ANO3: variants seen among roughly 807,000 people sequenced by gnomAD.
The protein encoded by ANO3 is anoctamin-3.
Under a neutral mutation model 144.8 loss-of-function variants are expected in ANO3, and 99 were observed. The ratio of observed to expected loss-of-function variants is 0.68; its 90% CI spans 0.58 to 0.81. The LOEUF (loss-of-function observed/expected upper bound fraction) is 0.81. Ranked by LOEUF, ANO3 falls within the 30% of genes least tolerant of loss-of-function variation. The pLI, the probability that ANO3 is intolerant of heterozygous loss-of-function variation, is 0.00. For synonymous variants in ANO3, 414 were observed against 392.6 expected (o/e 1.05, Z -0.64); for missense variants, 905 against 1,202.2 (o/e 0.75, Z 3.66).
At chr11:26,616,024 T>G (rs1056683605) in intron 17 of ANO3, among the ~76,000 whole-genome samples, 2 of 152,206 alleles carry the variant, frequency 1.3e-5, no homozygotes, top group African/African-American at 4.8e-5. Flanking sequence ...TAAAAAATAT[T>G]TAATTAGTTC....
intron 4 of ANO3, among the ~76,000 whole-genome samples, chr11:26,479,522 GT>G (rs1162320460): frequency 6.6e-6 from 1 of 152,096 alleles, no homozygotes; most frequent in Non-Finnish European, 1.5e-5. Context: ...CAGGCAGAGA[GT>G]TTGGGCAGGG....
chr11:26,534,036 A>T (rs1849441163), intron 8 of ANO3, among the ~76,000 whole-genome samples: 2 of 152,196 alleles, frequency 1.3e-5, no homozygotes, highest in Admixed American at 1.3e-4. Flanking sequence ...TGGGGACAAT[A>T]ATAGAGCATC....
intron 1 of ANO3, among the ~76,000 whole-genome samples, chr11:26,250,528 T>A (rs1852903630): frequency 6.6e-6 from 1 of 152,154 alleles, no homozygotes; most frequent in Non-Finnish European, 1.5e-5. Flanking sequence ...GTGAGCCGAT[T>A]TTATGCCAAA....
At chr11:26,581,723 A>G (rs966948426) in intron 14 of ANO3, among the ~76,000 whole-genome samples, 7 of 151,776 alleles carry the variant, frequency 4.6e-5, no homozygotes, top group Non-Finnish European at 1.0e-4. Flanking sequence ...GAGAAAAGAA[A>G]CAAGATGCCA....
chr11:26,533,646 G>A (rs555571752), intron 8 of ANO3, among the ~76,000 whole-genome samples: 40 of 152,162 alleles, frequency 2.6e-4, no homozygotes, highest in Non-Finnish European at 5.3e-4. Flanking sequence ...AGGCAAGTTA[G>A]GAGGATGTTC....
At chr11:26,647,508 T>C (rs2133074258) in intron 23 of ANO3, among the ~76,000 whole-genome samples, 2 of 152,348 alleles carry the variant, frequency 1.3e-5, no homozygotes, top group Non-Finnish European at 2.9e-5. Context: ...TGAATCTTTC[T>C]AGACGAGATA....
intron 1 of ANO3, among the ~76,000 whole-genome samples, chr11:26,265,909 T>A (rs887106950): frequency 6.6e-6 from 1 of 152,158 alleles, no homozygotes; most frequent in African/African-American, 2.4e-5. Context: ...ATGAATAGAA[T>A]AAATAAAAAG....
At chr11:26,385,044 T>C (rs1340127751) in intron 1 of ANO3, among the ~76,000 whole-genome samples, 1 of 152,190 alleles carries the variant, frequency 6.6e-6, no homozygotes, top group African/African-American at 2.4e-5. Context: ...TCCTATCTGT[T>C]CTTCAAAATT....
chr11:26,592,941 A>T (rs1206368047), intron 14 of ANO3, among the ~76,000 whole-genome samples: 1 of 151,796 alleles, frequency 6.6e-6, no homozygotes, highest in East Asian at 1.9e-4. Flanking sequence ...CCCGGAGGGG[A>T]TTACTCCATA....
intron 1 of ANO3, among the ~76,000 whole-genome samples, chr11:26,301,164 T>TGCCCAGGCTGAAGTGCAGTGGTGC (rs1854224526): frequency 6.6e-6 from 1 of 150,574 alleles, no homozygotes; most frequent in African/African-American, 2.5e-5. Context: ...TTTACTTTCT[T>TGCCCAGGCTGAAGTGCAGTGGTGC]AATTGCCTCT....
intron 18 of ANO3, among the ~76,000 whole-genome samples, chr11:26,628,564 C>T (rs11029654): frequency 0.35 from 53,135 of 152,056 alleles, 9,847 homozygotes; most frequent in South Asian, 0.48. Context: ...TTGTGAATGG[C>T]ACGGTGTTGA....
intron 14 of ANO3, among the ~76,000 whole-genome samples, chr11:26,591,644 C>CT (rs1170968804): frequency 6.6e-6 from 1 of 152,082 alleles, no homozygotes; most frequent in African/African-American, 2.4e-5. Context: ...AGAGGAGCTA[C>CT]TGGTAGTACA....
intron 1 of ANO3, among the ~76,000 whole-genome samples, chr11:26,431,229 A>T (rs1565020530): frequency 6.6e-6 from 1 of 152,220 alleles, no homozygotes; most frequent in Non-Finnish European, 1.5e-5. Context: ...AAATGTCTAA[A>T]TTCTTTTTAT....
intron 4 of ANO3, among the ~76,000 whole-genome samples, chr11:26,485,701 A>G (rs1860418743): frequency 6.6e-6 from 1 of 152,136 alleles, no homozygotes; most frequent in Admixed American, 6.5e-5. Flanking sequence ...TTTTTAAATC[A>G]ACTCAAGATG....
chr11:26,441,798 T>C lies in ANO3; in HGVS notation c.47-120T>C, dbSNP rs892954745. On this transcript the variant is annotated intron_variant, in intron 1 of 26. Coordinates refer to ENST00000256737, the MANE Select transcript of ANO3 (RefSeq NM_031418.4). ...ACAAGACTAACTCAATTATTTCTAA[T>C]ATCTAAGTGGCACTTTTCAATAGTT... 2.4e-5 allele frequency: 16 copies of C among 674,838 alleles called. No individual in the cohort carries two copies. In the East Asian group the frequency reaches 3.9e-4, roughly 16 times the overall value. 41.8% of individuals were successfully genotyped at this position (674,838 alleles called of 1,614,324 possible). A position where few individuals can be genotyped will look rare whatever the true frequency, so the allele number is the denominator to read the frequency against.
At chr11:26,392,239 C>CT (rs33986969) in intron 1 of ANO3, among the ~76,000 whole-genome samples, 3,965 of 130,614 alleles carry the variant, frequency 0.03, 120 homozygotes, top group African/African-American at 0.063. Context: ...GAATTCCTGC[C>CT]TTTTTTTTTT....
intron 14 of ANO3, chr11:26,565,289 C>T (rs1460746863): frequency 6.2e-7 from 1 of 1,607,370 alleles, no homozygotes; most frequent in Non-Finnish European, 8.5e-7. Flanking sequence ...TTGTGGTAAG[C>T]CATCCACTTG....
intron 14 of ANO3, among the ~76,000 whole-genome samples, chr11:26,597,076 G>T (rs754488612): frequency 6.6e-6 from 1 of 152,070 alleles, no homozygotes; most frequent in Non-Finnish European, 1.5e-5. Context: ...TCTAAGGAAG[G>T]ATAGGACAGA....
At chr11:26,300,288 T>G (rs61377783) in intron 1 of ANO3, among the ~76,000 whole-genome samples, 9,437 of 151,990 alleles carry the variant, frequency 0.062, 558 homozygotes, top group African/African-American at 0.15. Context: ...CACCTTACTT[T>G]TAAAAGCAAG....
Sources: allele counts gnomAD v4.1 joint callset (sites outside exome capture counted in the v4.1 genomes callset), GRCh38; gene constraint gnomAD v4.1.1; transcripts MANE v1.5; gene names NCBI Gene and HGNC (gene_info 2026-07-23, HGNC 2026-07-21).